Variants in TSEN2 observed in about 807,000 individuals in gnomAD.
The protein encoded by TSEN2 is tRNA-splicing endonuclease subunit Sen2.
A neutral mutation model predicts 59.2 loss-of-function variants in TSEN2; 54 were observed. That is an observed-to-expected ratio of 0.91 (90% CI 0.73 to 1.14). TSEN2 has a LOEUF of 1.14. TSEN2 is among the 50% of genes most tolerant of loss of function. The pLI, the probability that TSEN2 is intolerant of heterozygous loss-of-function variation, is 0.00. For missense variants in TSEN2, 636 were observed against 576.2 expected (o/e 1.10, Z -1.06); for synonymous variants, 195 against 198.2 (o/e 0.98, Z 0.14).
intron 10 of TSEN2, 63 bp from the exon 11 acceptor site, chr3:12,531,507 G>C (rs1476471713): frequency 1.8e-6 from 2 of 1,119,224 alleles, no homozygotes; most frequent in Non-Finnish European, 2.7e-6. Flanking sequence ...ATTTCCTGCT[G>C]ATGCACCCAA....
intron 3 of TSEN2, among the ~76,000 whole-genome samples, chr3:12,495,258 T>G (rs1357237329): frequency 6.6e-6 from 1 of 152,082 alleles, no homozygotes; most frequent in Admixed American, 6.6e-5. Context: ...TAACTTTTGG[T>G]TTTTTTGGAG....
At chr3:12,516,699 T>C (rs2056160300) in intron 7 of TSEN2, 38 bp downstream of exon 7, 1 of 1,591,400 alleles carries the variant, frequency 6.3e-7, no homozygotes, top group Non-Finnish European at 8.6e-7. Flanking sequence ...ACTTAAAATT[T>C]CCCTGTTGTT....
At chr3:12,539,253 C>G (rs1458619457) in exon 11 of TSEN2, 2 of 382,012 alleles carry the variant, frequency 5.2e-6, no homozygotes, top group South Asian at 1.9e-5. Context: ...CATGCCTCAG[C>G]CTCCTGAGTA....
rs1000707536 is a variant in TSEN2, at chr3:12,532,972, A to T, written c.*251A>T. ...TCCAGAGCCTCCTGCCTCTGGCGTC[A>T]GTCTTTTCCCTCATCCACTCACTGG... On this transcript the variant is annotated 3_prime_UTR_variant, in exon 12 of 12. Coordinates refer to ENST00000284995, the MANE Select transcript of TSEN2 (RefSeq NM_025265.4). 1.4e-5 allele frequency: 8 copies of T among 559,980 alleles called. No individual in the cohort carries two copies. The African/African-American group carries it at 1.5e-4, about 11-fold the overall frequency. 34.7% of individuals were successfully genotyped at this position (559,980 alleles called of 1,614,324 possible).
intron 8 of TSEN2, among the ~76,000 whole-genome samples, chr3:12,527,950 CTGTG>C (rs1450782174): frequency 6.6e-6 from 1 of 152,174 alleles, no homozygotes; most frequent in African/African-American, 2.4e-5. Context: ...ATTCCAGAGT[CTGTG>C]TGTCAGAGTC....
At position 12,503,392 on chromosome 3, in the gene TSEN2, G is replaced by C; in HGVS notation, c.439G>C (p.Ala147Pro). ...TCCTCCTGTGAAAAGGAATGAAGAG[G>C]CTCAAGTGCATGACAAGCTTAACTC... ...EHPPVKRNEE[A>P]QVHDKLNSGM... The change falls in exon 5 of 12, where the codon GCT becomes CCT. Residue 147 changes from alanine to proline, a missense_variant. Physicochemically the swap from Ala to Pro is conservative, Grantham distance 27. Coordinates refer to ENST00000284995, the MANE Select transcript of TSEN2 (RefSeq NM_025265.4). The C allele has an allele frequency of 6.2e-7, 1 of 1,614,194 alleles. No individual in the cohort carries two copies. The highest frequency in any genetic ancestry group is 8.5e-7 in the Non-Finnish European group (1 of 1,180,042).
chr3:12,538,568 G>A (rs200044048), downstream of TSEN2, among the ~76,000 whole-genome samples: 5 of 152,052 alleles, frequency 3.3e-5, no homozygotes, highest in South Asian at 8.3e-4. Context: ...GGCGGTTATT[G>A]GTACCTTTAA....
At chr3:12,508,593 C>T (rs1440523169) in intron 6 of TSEN2, among the ~76,000 whole-genome samples, 1 of 152,164 alleles carries the variant, frequency 6.6e-6, no homozygotes, top group Non-Finnish European at 1.5e-5. Context: ...TAGAAGTCTG[C>T]TCAGCGCTGA....
intron 6 of TSEN2, chr3:12,506,635 C>T (rs2054870172): frequency 1.1e-6 from 1 of 941,258 alleles, no homozygotes; most frequent in South Asian, 4.9e-5. Context: ...ATCATATTGT[C>T]CCAGTGACCT....
upstream of TSEN2, among the ~76,000 whole-genome samples, chr3:12,481,960 G>A (rs879914686): frequency 4.4e-4 from 67 of 151,568 alleles, no homozygotes; most frequent in Non-Finnish European, 8.8e-4. Flanking sequence ...CAGATGTATT[G>A]TAATAAAATT....
chr3:12,485,253 T>A (rs763743596), intron 1 of TSEN2, among the ~76,000 whole-genome samples: 8 of 152,156 alleles, frequency 5.3e-5, no homozygotes, highest in Non-Finnish European at 1.0e-4. Flanking sequence ...TCCAGGAAGG[T>A]TGGAAAATTA....
intron 11 of TSEN2, among the ~76,000 whole-genome samples, chr3:12,532,070 C>T (rs1481734596): frequency 1.3e-5 from 2 of 152,166 alleles, no homozygotes; most frequent in African/African-American, 2.4e-5. Flanking sequence ...CTGGTCTGGC[C>T]GAGTTGTCTA....
chr3:12,489,696 C>T, intron 1 of TSEN2, 88 bp from the exon 2 acceptor site: 1 of 1,131,760 alleles, frequency 8.8e-7, no homozygotes, highest in Non-Finnish European at 1.3e-6. Flanking sequence ...ACTAAGTTTT[C>T]TGAGCCTAGG....
chr3:12,496,583 C>T (rs985899295), intron 4 of TSEN2, 29 bp downstream of exon 4: 1 of 1,612,954 alleles, frequency 6.2e-7, no homozygotes, highest in Admixed American at 1.7e-5. Flanking sequence ...TGGCTTCTGT[C>T]AAAATGATGG....
intron 6 of TSEN2, 85 bp from the exon 7 acceptor site, chr3:12,516,526 G>A (rs2056137641): frequency 8.3e-7 from 1 of 1,205,416 alleles, no homozygotes; most frequent in African/African-American, 1.5e-5. Flanking sequence ...TTGTATTTGA[G>A]GTGAAAAGAG....
At chr3:12,515,890 T>C (rs887782248) in intron 6 of TSEN2, among the ~76,000 whole-genome samples, 6 of 152,064 alleles carry the variant, frequency 3.9e-5, no homozygotes, top group African/African-American at 1.2e-4. Context: ...TTTGTTGATA[T>C]ATTTTTCTCA....
chr3:12,523,526 C>CTTTTTTTTTTTTT lies in TSEN2; in HGVS notation c.1099+4342_1099+4354dup, dbSNP rs546904336. 3.1e-3 allele frequency among the ~76,000 whole-genome samples: 146 copies of CTTTTTTTTTTTTT among 46,480 alleles called. 14 individuals are homozygous for CTTTTTTTTTTTTT. The highest frequency in any genetic ancestry group is 5.5e-3 in the Non-Finnish European group (126 of 23,030). 30.5% of individuals were successfully genotyped at this position (46,480 alleles called of 152,430 possible). On this transcript the variant is annotated intron_variant, in intron 8 of 11. Transcript: ENST00000284995. ...CTTCTCCTCATCTTCCTCTTTGATT[C>CTTTTTTTTTTTTT]TTTTTTTTTTTTTTTTTTTTTTTTT...
intron 6 of TSEN2, 25 bp from the exon 7 acceptor site, chr3:12,516,586 C>T (rs1245317397): frequency 1.6e-5 from 26 of 1,607,460 alleles, no homozygotes; most frequent in African/African-American, 2.7e-5. Flanking sequence ...TTGTAATGAG[C>T]ATTTTCTGCT....
intron 5 of TSEN2, among the ~76,000 whole-genome samples, chr3:12,504,578 G>A (rs555385939): frequency 1.3e-5 from 2 of 152,178 alleles, no homozygotes; most frequent in East Asian, 1.9e-4. Flanking sequence ...TGCTTATTAG[G>A]TACAATTGGG....
Sources: allele counts gnomAD v4.1 joint callset (sites outside exome capture counted in the v4.1 genomes callset), GRCh38; gene constraint gnomAD v4.1.1; transcripts MANE v1.5; gene names NCBI Gene and HGNC (gene_info 2026-07-23, HGNC 2026-07-21).